Variants in TMEM132E observed in about 807,000 individuals in gnomAD.
The protein encoded by TMEM132E is transmembrane protein 132E.
TMEM132E carries 49 observed loss-of-function variants against 78.5 expected under a neutral mutation model. The ratio of observed to expected loss-of-function variants is 0.62; its 90% CI spans 0.50 to 0.79. The LOEUF (loss-of-function observed/expected upper bound fraction) is 0.79. TMEM132E is among the 30% of genes least tolerant of loss of function. TMEM132E has a pLI of 0.00. For missense variants in TMEM132E, 1,403 were observed against 1,470.9 expected, an observed-to-expected ratio of 0.95 and a Z score of 0.75; for synonymous variants, 715 against 670.6, an observed-to-expected ratio of 1.07 and a Z score of -1.02.
In TMEM132E at chr17:34,629,914, T is replaced by TA. The variant is rs537991478; in HGVS notation, c.1339-94_1339-93insA. The TA allele has an allele frequency of 3.3e-6, 4 of 1,210,612 alleles. No homozygotes were observed. In the African/African-American group the frequency reaches 4.6e-5, roughly 14 times the overall value. 75.0% of individuals were successfully genotyped at this position (1,210,612 alleles called of 1,614,324 possible). On this transcript the variant is annotated intron_variant, in intron 4 of 8. Transcript: ENST00000631683. Reference sequence around the variant, plus strand: ...ACTGGAAGGATGTGCATCTGAGGAGTGGGGGGGGAGCGTCCAGGAGCTGGG... The same window carrying TA: ...ACTGGAAGGATGTGCATCTGAGGAGTAGGGGGGGGAGCGTCCAGGAGCTGGG...
intron 1 of TMEM132E, among the ~76,000 whole-genome samples, chr17:34,588,386 G>C (rs1905751751): frequency 6.6e-6 from 1 of 152,168 alleles, no homozygotes; most frequent in African/African-American, 2.4e-5. Flanking sequence ...TCTTTTCTCT[G>C]CCTCTGTATT....
intron 1 of TMEM132E, among the ~76,000 whole-genome samples, chr17:34,624,171 C>A (rs1376793459): frequency 6.6e-6 from 1 of 152,232 alleles, no homozygotes; most frequent in African/African-American, 2.4e-5. Context: ...ATATTGAGAC[C>A]AGAGCCTCAA....
intron 1 of TMEM132E, among the ~76,000 whole-genome samples, chr17:34,617,762 G>A (rs1906829277): frequency 6.6e-6 from 1 of 152,038 alleles, no homozygotes; most frequent in South Asian, 2.1e-4. Flanking sequence ...TTTTTTTAAG[G>A]ATTTCCTCTT....
At position 34,626,654 on chromosome 17, in the gene TMEM132E, T is replaced by C; in HGVS notation, c.595T>C (p.Trp199Arg). 2 of 1,423,278 alleles carry C rather than the reference T, an allele frequency of 1.4e-6. No homozygotes were observed. Among genetic ancestry groups the C allele is most frequent in the South Asian group, 1.5e-5 (1 of 67,424 alleles). The allele number at this position is 1,423,278 out of a possible 1,614,324, so 88.2% of individuals were successfully genotyped here. Residue 199 changes from tryptophan to arginine, a missense_variant, in exon 2 of 9, where the codon TGG becomes CGG. Trp to Arg is a moderately radical substitution (Grantham distance 101). Coordinates refer to ENST00000631683, the MANE Select transcript of TMEM132E (RefSeq NM_001304438.2). Reference protein sequence around the residue: ...CLVRAELPLAWFGPPAPAAPP... With the variant: ...CLVRAELPLARFGPPAPAAPP... ...GGTGCGGGCAGAGCTGCCCCTGGCCTGGTTCGGGCCCCCAGCCCCCGCTGC... is the reference window on the plus strand; with the variant it reads ...GGTGCGGGCAGAGCTGCCCCTGGCCCGGTTCGGGCCCCCAGCCCCCGCTGC...
intron 8 of TMEM132E, 29 bp from the exon 9 acceptor site, chr17:34,637,148 C>G: frequency 6.4e-7 from 1 of 1,568,206 alleles, no homozygotes; most frequent in Admixed American, 1.7e-5. Context: ...CTCTTTGACT[C>G]CTATCCCCTC....
At chr17:34,608,233 C>G (rs1906478877) in intron 1 of TMEM132E, among the ~76,000 whole-genome samples, 1 of 152,220 alleles carries the variant, frequency 6.6e-6, no homozygotes, top group African/African-American at 2.4e-5. Flanking sequence ...TTTAGGAGCT[C>G]TGTGTCAGGA....
Position 34,637,279 on chromosome 17 carries a change from G to A in TMEM132E, c.2272G>A (p.Glu758Lys). 6.2e-7 allele frequency: 1 copy of A among 1,614,128 alleles called. No homozygotes were observed. Among genetic ancestry groups the A allele is most frequent in the Non-Finnish European group, 8.5e-7 (1 of 1,180,044 alleles). ...TGGACTGCTAGTGAGCAGCCTGGAT[G>A]AGCATGTGGCCACTGTGACCCAGGA... Reference protein sequence around the residue: ...DYGLLVSSLDEHVATVTQDRA... With the variant: ...DYGLLVSSLDKHVATVTQDRA... The change falls in exon 9 of 9, where the codon GAG (glutamate) becomes AAG (lysine). Residue 758 changes from glutamate (E) to lysine (K), a missense_variant. Glu to Lys is a moderately conservative substitution (Grantham distance 56, BLOSUM62 1). Transcript: ENST00000631683.
intron 1 of TMEM132E, among the ~76,000 whole-genome samples, chr17:34,602,531 CCT>C (rs973990829): frequency 1.4e-4 from 21 of 152,198 alleles, no homozygotes; most frequent in African/African-American, 5.1e-4. Context: ...TGGAGTGCTT[CCT>C]CTCTGTCTCC....
At position 34,581,104 on chromosome 17, in the gene TMEM132E, G is replaced by A. The variant is rs1392152138; in HGVS notation, c.28G>A (p.Gly10Ser). MAPGMSGRG[G>S]AALLCLSALL... is the part of the protein sequence containing the mutation. Reference sequence around the variant, plus strand: ...GGCCCCGGGGATGTCGGGCCGCGGCGGCGCCGCCCTGCTCTGCCTCTCAGC... The same window carrying A: ...GGCCCCGGGGATGTCGGGCCGCGGCAGCGCCGCCCTGCTCTGCCTCTCAGC... Residue 10 changes from glycine (G) to serine (S), a missense_variant, in exon 1 of 9, where the codon GGC (glycine) becomes AGC (serine). Gly to Ser is a moderately conservative substitution (Grantham distance 56). Around this residue, in one of 3 missense-constraint regions of TMEM132E, gnomAD observed 511 missense variants for 499.0 expected, o/e 1.02. Coordinates refer to ENST00000631683, the MANE Select transcript of TMEM132E (RefSeq NM_001304438.2). 1 of 1,539,844 alleles carries A rather than the reference G, an allele frequency of 6.5e-7. No individual in the cohort carries two copies. Among genetic ancestry groups the A allele is most frequent in the Non-Finnish European group, 8.7e-7 (1 of 1,149,338 alleles).
chr17:34,608,655 C>T (rs1286546162), intron 1 of TMEM132E, among the ~76,000 whole-genome samples: 1 of 152,252 alleles, frequency 6.6e-6, no homozygotes, highest in African/African-American at 2.4e-5. Flanking sequence ...ACTCTGTTAT[C>T]TGCCTTCTTG....
Position 34,632,790 on chromosome 17 carries a change from C to T in TMEM132E, c.1569C>T (p.Val523=), listed in dbSNP as rs1835965596. The change falls in exon 6 of 9, where the codon GTC becomes GTT. Residue 523 remains valine (V), a synonymous_variant. Coordinates refer to ENST00000631683, the MANE Select transcript of TMEM132E (RefSeq NM_001304438.2). ...MNARVTFRYD[V]LNAPLEMTVW... is the part of the protein sequence containing the mutation. ...CCAGGGTCACCTTCCGCTACGACGTCCTCAATGCTCCCCTGGAAATGACAG... is the reference window on the plus strand; with the variant it reads ...CCAGGGTCACCTTCCGCTACGACGTTCTCAATGCTCCCCTGGAAATGACAG... 3 of 1,614,226 alleles carry T rather than the reference C, an allele frequency of 1.9e-6. No homozygotes were observed. Among genetic ancestry groups the T allele is most frequent in the Admixed American group, 3.3e-5 (2 of 60,032 alleles).
At position 34,635,016 on chromosome 17, in the gene TMEM132E, G is replaced by A. The variant is rs376500448; in HGVS notation, c.1906G>A (p.Asp636Asn). 132 of 1,613,968 alleles carry A rather than the reference G, an allele frequency of 8.2e-5. No individual in the cohort carries two copies. Among genetic ancestry groups the A allele is most frequent in the Non-Finnish European group, 1.1e-4 (126 of 1,180,038 alleles). ...DLVSDFMRVG[D>N]PRVAHMVDSS... is the part of the protein sequence containing the mutation. ...AGTCAGTGACTTCATGCGGGTGGGC[G>A]ATCCCCGAGTGGCACACATGGTGGA... The change falls in exon 7 of 9, where the codon GAT (aspartate) becomes AAT (asparagine). Residue 636 changes from aspartate (D) to asparagine (N), a missense_variant. Physicochemically the swap from Asp to Asn is conservative, Grantham distance 23. Transcript: ENST00000631683.
chr17:34,627,467 CGTGTGTGTGTGTGT>C (rs145658598), intron 2 of TMEM132E, among the ~76,000 whole-genome samples: 4 of 126,538 alleles, frequency 3.2e-5, no homozygotes, highest in South Asian at 2.6e-4. Flanking sequence ...CCAAAAGAAT[CGTGTGTGTGTGTGT>C]GTGTGTGTGT....
At chr17:34,623,410 C>CT (rs1254118665) in intron 1 of TMEM132E, among the ~76,000 whole-genome samples, 2 of 151,338 alleles carry the variant, frequency 1.3e-5, no homozygotes, top group African/African-American at 2.4e-5. Context: ...CTCCCCCCCC[C>CT]CCCCCCGTCC....
intron 1 of TMEM132E, among the ~76,000 whole-genome samples, chr17:34,613,211 A>ACACGCGCGCGCGCGCGCG: frequency 1.7e-5 from 2 of 115,856 alleles, no homozygotes; most frequent in Non-Finnish European, 3.7e-5. Context: ...ACACACACAC[A>ACACGCGCGCGCGCGCGCG]CGCGCGCGCG....
At chr17:34,602,884 C>G (rs1906286328) in intron 1 of TMEM132E, among the ~76,000 whole-genome samples, 1 of 152,190 alleles carries the variant, frequency 6.6e-6, no homozygotes, top group South Asian at 2.1e-4. Flanking sequence ...GGAAGCAGGT[C>G]CACGTGGGAT....
rs1220110126 is a variant in TMEM132E, at chr17:34,626,885, C to G, written c.826C>G (p.Leu276Val). 4 of 1,612,050 alleles carry G rather than the reference C, an allele frequency of 2.5e-6. No individual in the cohort carries two copies. Among genetic ancestry groups the G allele is most frequent in the East Asian group, 2.2e-5 (1 of 44,874 alleles). The change falls in exon 2 of 9, where the codon CTG (leucine) becomes GTG (valine). Residue 276 changes from leucine to valine, a missense_variant. Leu to Val is a conservative substitution (Grantham distance 32, BLOSUM62 1). Coordinates refer to ENST00000631683, the MANE Select transcript of TMEM132E (RefSeq NM_001304438.2). ...CCTGCTGCGCATCGGGAGCATCAGC[C>G]TGTTCCGCCCGCCCCCCAGGAGGAC... ...HPLLRIGSIS[L>V]FRPPPRRTLQ...
At chr17:34,615,325 C>G (rs190867924) in intron 1 of TMEM132E, among the ~76,000 whole-genome samples, 1 of 152,022 alleles carries the variant, frequency 6.6e-6, no homozygotes, top group Non-Finnish European at 1.5e-5. Context: ...TAGTTTAGTA[C>G]CCCCCTCCCC....
At chr17:34,602,211 G>C (rs1328105580) in intron 1 of TMEM132E, among the ~76,000 whole-genome samples, 1 of 152,262 alleles carries the variant, frequency 6.6e-6, no homozygotes, top group African/African-American at 2.4e-5. Context: ...GTCTAGGAGA[G>C]GACAGAGTCT....
Sources: gnomAD v4.1 joint callset for allele counts (sites outside exome capture counted in the v4.1 genomes callset) on GRCh38, gnomAD v4.1.1 for gene constraint, gnomAD v4.1.1 regional missense constraint, MANE v1.5 for transcripts, NCBI Gene and HGNC (gene_info 2026-07-23, HGNC 2026-07-21) for gene names.